Variants in STK3 observed in about 807,000 individuals in gnomAD.
STK3 encodes serine/threonine kinase 3.
STK3 carries 41 observed loss-of-function variants against 58.0 expected under a neutral mutation model. That is an observed-to-expected ratio of 0.71 (90% CI 0.55 to 0.92). STK3 has a LOEUF of 0.92. Among genes scored for constraint, STK3 ranks in the 40% least tolerant of loss-of-function variants. The pLI is 0.00. For synonymous variants in STK3, 170 were observed against 191.0 expected (o/e 0.89, Z 0.91); for missense variants, 479 against 602.7 (o/e 0.79, Z 2.15).
intron 6 of STK3, among the ~76,000 whole-genome samples, chr8:98,634,588 T>TA (rs1819497523): frequency 6.6e-6 from 1 of 152,096 alleles, no homozygotes; most frequent in Admixed American, 6.6e-5. Flanking sequence ...TTGTTTCAAA[T>TA]ACATAGTTGG....
chr8:98,619,192 C>A (rs1174654140), intron 6 of STK3, among the ~76,000 whole-genome samples: 1 of 150,158 alleles, frequency 6.7e-6, no homozygotes, highest in Admixed American at 6.6e-5. Flanking sequence ...TTTGACAAAC[C>A]TGAGAAAAAC....
chr8:98,766,157 C>G (rs2131438255), intron 3 of STK3, among the ~76,000 whole-genome samples: 1 of 152,320 alleles, frequency 6.6e-6, no homozygotes, highest in Non-Finnish European at 1.5e-5. Flanking sequence ...CTTCTTTTCA[C>G]ATTACCCCAT....
At chr8:98,614,149 G>C (rs924584968) in intron 6 of STK3, among the ~76,000 whole-genome samples, 2 of 152,126 alleles carry the variant, frequency 1.3e-5, no homozygotes, top group African/African-American at 4.8e-5. Context: ...CAGAAAATCA[G>C]CAAGGATACA....
At chr8:98,450,922 G>A (rs1563614004), downstream of STK3, among the ~76,000 whole-genome samples, 2 of 152,092 alleles carry the variant, frequency 1.3e-5, no homozygotes, top group Non-Finnish European at 2.9e-5. Context: ...GTGGTCTAGC[G>A]GAAATGCAAA....
intron 10 of STK3, among the ~76,000 whole-genome samples, chr8:98,463,562 C>T (rs4476981): frequency 1 from 151,922 of 152,220 alleles, 75,824 homozygotes; most frequent in Middle Eastern, 1. Flanking sequence ...CTGAACTCTA[C>T]AAGAAGTATT....
intron 4 of STK3, chr8:98,722,966 A>T (rs761717791): frequency 4.5e-6 from 2 of 448,134 alleles, no homozygotes; most frequent in South Asian, 3.4e-5. Context: ...TCTGTTAAGA[A>T]TCCCTTAAAA....
rs148649160 is a variant in STK3 at position 98,810,108 on chromosome 8, G to A, written c.26+15407C>T. ...ACACACTTAGAAACAACCAGATCTC[G>A]TGAGAACCCTATCACAAGACCAGCA... is the stretch of plus-strand genomic sequence containing the variant. On this transcript the variant is annotated intron_variant, in intron 1 of 10. Coordinates refer to ENST00000419617, the MANE Select transcript of STK3 (RefSeq NM_006281.4). Among the ~76,000 whole-genome samples the A allele has an allele frequency of 7.0e-3, 1,063 of 152,220 alleles. 9 individuals are homozygous for A. Among genetic ancestry groups the A allele is most frequent in the African/African-American group, 0.024 (997 of 41,538 alleles).
At chr8:98,745,415 G>T (rs1829576145) in intron 4 of STK3, among the ~76,000 whole-genome samples, 1 of 152,094 alleles carries the variant, frequency 6.6e-6, no homozygotes, top group Non-Finnish European at 1.5e-5. Flanking sequence ...TGTACTATTT[G>T]AAAGAGTTCC....
intron 3 of STK3, among the ~76,000 whole-genome samples, chr8:98,876,842 G>C (rs1417466309): frequency 1.1e-4 from 17 of 152,240 alleles, no homozygotes; most frequent in Admixed American, 1.1e-3. Flanking sequence ...CTGCTGTGCA[G>C]ATGAAAACAG....
intron 1 of STK3, among the ~76,000 whole-genome samples, chr8:98,384,905 A>G (rs142253844): frequency 2.0e-5 from 3 of 152,102 alleles, no homozygotes; most frequent in Non-Finnish European, 2.9e-5. Flanking sequence ...GGCCATTGCT[A>G]TATGCTCTTA....
chr8:98,466,229 G>A (rs1352615684), intron 10 of STK3, among the ~76,000 whole-genome samples: 2 of 152,142 alleles, frequency 1.3e-5, no homozygotes, highest in African/African-American at 4.8e-5. Flanking sequence ...TGTTATGGAA[G>A]ATCACAAACA....
downstream of STK3, chr8:98,881,056 T>C (rs891516445): frequency 2.0e-5 from 3 of 152,234 alleles, no homozygotes; most frequent in Non-Finnish European, 2.9e-5. Flanking sequence ...CAATAACATA[T>C]AGCATATTAT....
At chr8:98,349,168 G>C in the STK3 span, among the ~76,000 whole-genome samples, 1 of 152,228 alleles carries the variant, frequency 6.6e-6, no homozygotes, top group Non-Finnish European at 1.5e-5. Context: ...GCATACTTTT[G>C]ATTCCAACTA....
At chr8:98,695,229 G>A (rs1331529193) in intron 6 of STK3, among the ~76,000 whole-genome samples, 3 of 152,130 alleles carry the variant, frequency 2.0e-5, no homozygotes, top group Admixed American at 6.5e-5. Context: ...TGAGTTCATT[G>A]TAGATTCTGG....
chr8:98,449,965 G>A (rs1187468260), downstream of STK3, among the ~76,000 whole-genome samples: 2 of 152,132 alleles, frequency 1.3e-5, no homozygotes, highest in African/African-American at 4.8e-5. Context: ...CCAGATGCCA[G>A]CATCATGGTT....
At chr8:98,630,730 A>G (rs951258854) in intron 6 of STK3, among the ~76,000 whole-genome samples, 5 of 150,756 alleles carry the variant, frequency 3.3e-5, no homozygotes, top group East Asian at 2.0e-4. Context: ...GAAGGAGGAG[A>G]AGAAGGAGAA....
intron 1 of STK3, among the ~76,000 whole-genome samples, chr8:98,917,016 AG>A (rs1257489103): frequency 2.6e-5 from 4 of 152,174 alleles, no homozygotes; most frequent in African/African-American, 4.8e-5. Flanking sequence ...TTCTTCATGC[AG>A]GTTCTGAGTT....
rs766490046 is a variant in STK3, at chr8:98,706,541, T to C, written c.610A>G (p.Ile204Val). The change falls in exon 6 of 11, where the codon ATC (isoleucine) becomes GTC (valine). Residue 204 changes from isoleucine to valine, a missense_variant. Transcript: ENST00000419617. ...QEIGYNCVAD[I>V]WSLGITSIEM... is the part of the protein sequence containing the mutation. ...ATAGAAGTAATGCCAAGGGACCAGA[T>C]GTCGGCCACACAGTTATAGCCTATT... is the stretch of plus-strand genomic sequence containing the variant. 8.1e-6 allele frequency: 13 copies of C among 1,613,838 alleles called. No homozygotes were observed. The highest frequency in any genetic ancestry group is 8.0e-5 in the African/African-American group (6 of 74,922).
intron 6 of STK3, among the ~76,000 whole-genome samples, chr8:98,636,473 A>G (rs1452819483): frequency 1.3e-5 from 2 of 152,208 alleles, no homozygotes; most frequent in Admixed American, 1.3e-4. Flanking sequence ...TTAAAATACA[A>G]GGGAAGACCC....
Sources: gnomAD v4.1 joint callset for allele counts (sites outside exome capture counted in the v4.1 genomes callset) on GRCh38, gnomAD v4.1.1 for gene constraint, MANE v1.5 for transcripts, NCBI Gene and HGNC (gene_info 2026-07-23, HGNC 2026-07-21) for gene names.